Variants in CAMK1D observed in about 807,000 individuals in gnomAD.
CAMK1D encodes calcium/calmodulin-dependent protein kinase type 1D.
A neutral mutation model predicts 47.7 loss-of-function variants in CAMK1D; 9 were observed. That is an observed-to-expected ratio of 0.19 (90% CI 0.11 to 0.33). The LOEUF (loss-of-function observed/expected upper bound fraction) is 0.33. CAMK1D is among the 10% of genes least tolerant of loss of function. The pLI is 1.00. For missense variants in CAMK1D, 291 were observed against 488.7 expected, an observed-to-expected ratio of 0.60 and a Z score of 3.81; for synonymous variants, 184 against 184.9, an observed-to-expected ratio of 0.99 and a Z score of 0.04.
Position 12,643,076 on chromosome 10 carries a change from A to G in CAMK1D, c.225-23660A>G, listed in dbSNP as rs566037613. Among the ~76,000 whole-genome samples the G allele has an allele frequency of 2.6e-5, 4 of 152,254 alleles. No homozygotes were observed. In the East Asian group the frequency reaches 7.7e-4, roughly 29 times the overall value. ...GAGTGCAGTGGCGTGATCTCAGCTC[A>G]CTGCAACCTCCGCCTCCCGGGTTCA... On this transcript the variant is annotated intron_variant, in intron 2 of 10. Transcript: ENST00000619168.
intron 3 of CAMK1D, among the ~76,000 whole-genome samples, chr10:12,695,780 A>T (rs1833268969): frequency 6.6e-6 from 1 of 152,168 alleles, no homozygotes; most frequent in African/African-American, 2.4e-5. Flanking sequence ...TAGTCAGTTA[A>T]AAAATAAAGG....
rs185065251 is a variant in CAMK1D, at chr10:12,677,940, C to T, written c.299+11130C>T. On this transcript the variant is annotated intron_variant, in intron 3 of 10. Coordinates refer to ENST00000619168, the MANE Select transcript of CAMK1D (RefSeq NM_153498.4). ...CTACTGCTGCTGCTTTGTCCTTCTCCGGACTAACGATTGAATATGCTTTGT... is the reference window on the plus strand; with the variant it reads ...CTACTGCTGCTGCTTTGTCCTTCTCTGGACTAACGATTGAATATGCTTTGT... 7.2e-5 allele frequency among the ~76,000 whole-genome samples: 11 copies of T among 152,076 alleles called. No homozygotes were observed. The East Asian group carries it at 1.2e-3, about 16-fold the overall frequency.
At chr10:12,642,112 T>C (rs1839684415) in intron 2 of CAMK1D, among the ~76,000 whole-genome samples, 1 of 151,974 alleles carries the variant, frequency 6.6e-6, no homozygotes, top group Admixed American at 6.6e-5. Context: ...ATTAGATTGC[T>C]AAATCCAGAA....
intron 1 of CAMK1D, among the ~76,000 whole-genome samples, chr10:12,496,782 T>G (rs1834551607): frequency 6.6e-6 from 1 of 152,220 alleles, no homozygotes; most frequent in Admixed American, 6.5e-5. Flanking sequence ...GCAGGTTTGT[T>G]ACATAGGGAA....
At chr10:12,628,049 C>T (rs1342723853) in intron 2 of CAMK1D, among the ~76,000 whole-genome samples, 1 of 151,384 alleles carries the variant, frequency 6.6e-6, no homozygotes, top group African/African-American at 2.4e-5. Context: ...CCACTGCACT[C>T]CAGCCTGGGC....
chr10:12,491,321 C>T (rs1834377809), intron 1 of CAMK1D, among the ~76,000 whole-genome samples: 1 of 152,152 alleles, frequency 6.6e-6, no homozygotes. Flanking sequence ...ACACCAGTGA[C>T]AGAGGTTGAA....
intron 1 of CAMK1D, among the ~76,000 whole-genome samples, chr10:12,478,667 G>A (rs990828540): frequency 6.6e-5 from 10 of 152,098 alleles, no homozygotes; most frequent in African/African-American, 2.4e-4. Flanking sequence ...CAGAGTTGGT[G>A]GGGATCTCTG....
chr10:12,420,846 A>G (rs78851950), intron 1 of CAMK1D, among the ~76,000 whole-genome samples: 2,481 of 152,266 alleles, frequency 0.016, 38 homozygotes, highest in Non-Finnish European at 0.026. Flanking sequence ...TCACGTTGGT[A>G]TCTGGGACAA....
chr10:12,630,927 G>T lies in CAMK1D; in HGVS notation c.225-35809G>T, dbSNP rs74397151. Among the ~76,000 whole-genome samples the T allele has an allele frequency of 8.4e-3, 1,286 of 152,240 alleles. 10 individuals are homozygous for T. The highest frequency in any genetic ancestry group is 0.043 in the East Asian group (221 of 5,178). ...GGACAGGAGGACCAGATTGCCTTAT[G>T]ATCCTCAGGATTCCACTTGAGTGCT... is the stretch of plus-strand genomic sequence containing the variant. On this transcript the variant is annotated intron_variant, in intron 2 of 10. Coordinates refer to ENST00000619168, the MANE Select transcript of CAMK1D (RefSeq NM_153498.4).
chr10:12,541,509 G>T (rs2026614), intron 1 of CAMK1D, among the ~76,000 whole-genome samples: 1 of 151,844 alleles, frequency 6.6e-6, no homozygotes, highest in East Asian at 1.9e-4. Context: ...GATTACAGGC[G>T]TGTGCCACCA....
chr10:12,735,943 C>T (rs964225327), intron 3 of CAMK1D, among the ~76,000 whole-genome samples: 4 of 152,192 alleles, frequency 2.6e-5, no homozygotes, highest in African/African-American at 9.7e-5. Flanking sequence ...ACTGTAGGCA[C>T]ATGGAGGAAT....
chr10:12,726,053 G>A (rs1332105645), intron 3 of CAMK1D, among the ~76,000 whole-genome samples: 2 of 151,678 alleles, frequency 1.3e-5, no homozygotes, highest in Non-Finnish European at 2.9e-5. Context: ...CACGTCACCC[G>A]GCCTGGTTTT....
At chr10:12,687,884 T>C (rs370028820) in intron 3 of CAMK1D, among the ~76,000 whole-genome samples, 1 of 152,224 alleles carries the variant, frequency 6.6e-6, no homozygotes, top group Non-Finnish European at 1.5e-5. Flanking sequence ...CCCAAGGTTC[T>C]CAAGGTCTCA....
chr10:12,714,761 T>TAC (rs55827922), intron 3 of CAMK1D, among the ~76,000 whole-genome samples: 49,990 of 130,166 alleles, frequency 0.38, 10,698 homozygotes, highest in Non-Finnish European at 0.5. Flanking sequence ...TACATTAAAT[T>TAC]ACACACACAC....
chr10:12,601,827 C>T lies in CAMK1D; in HGVS notation c.224+48471C>T, dbSNP rs1464357900. ...CAAGCCATCAGCAGGGCTTTCTTCT[C>T]CCCTGCAGAATCGTCTTAGCCTCGG... On this transcript the variant is annotated intron_variant, in intron 2 of 10. Coordinates refer to ENST00000619168, the MANE Select transcript of CAMK1D (RefSeq NM_153498.4). Among the ~76,000 whole-genome samples, 3 of 152,214 alleles carry T rather than the reference C, an allele frequency of 2.0e-5. No homozygotes were observed. In the East Asian group the frequency reaches 5.8e-4, roughly 29 times the overall value.
At chr10:12,682,175 G>A (rs1027089899) in intron 3 of CAMK1D, among the ~76,000 whole-genome samples, 1 of 152,142 alleles carries the variant, frequency 6.6e-6, no homozygotes, top group Non-Finnish European at 1.5e-5. Context: ...AGCCGAGATC[G>A]CGTCACTGCA....
chr10:12,383,329 A>G (rs546670319), intron 1 of CAMK1D, among the ~76,000 whole-genome samples: 10 of 152,298 alleles, frequency 6.6e-5, no homozygotes, highest in Admixed American at 2.6e-4. Context: ...GAGCAACAGA[A>G]TAAGAACTCA....
intron 1 of CAMK1D, among the ~76,000 whole-genome samples, chr10:12,370,682 A>G (rs1177656938): frequency 6.6e-6 from 1 of 152,170 alleles, no homozygotes; most frequent in Non-Finnish European, 1.5e-5. Flanking sequence ...ATCTTGGCTC[A>G]CTGCAACCTT....
chr10:12,768,092 T>C (rs1220262840), intron 4 of CAMK1D, among the ~76,000 whole-genome samples: 1 of 152,158 alleles, frequency 6.6e-6, no homozygotes, highest in Non-Finnish European at 1.5e-5. Context: ...AGGCTGGTCT[T>C]GGACTCCTGA....
Sources: gnomAD v4.1 joint callset for allele counts (sites outside exome capture counted in the v4.1 genomes callset) on GRCh38, gnomAD v4.1.1 for gene constraint, MANE v1.5 for transcripts, NCBI Gene and HGNC (gene_info 2026-07-23, HGNC 2026-07-21) for gene names.